MIS18A: variants seen among roughly 807,000 people sequenced by gnomAD.
The protein encoded by MIS18A is MIS18 kinetochore protein A, also known as protein Mis18-alpha.
A neutral mutation model predicts 25.0 loss-of-function variants in MIS18A; 14 were observed. The ratio of observed to expected loss-of-function variants is 0.56; its 90% CI spans 0.37 to 0.88. MIS18A has a LOEUF of 0.88. MIS18A is among the 40% of genes least tolerant of loss of function. MIS18A has a pLI of 0.00. For synonymous variants in MIS18A, 134 were observed against 118.6 expected (o/e 1.13, Z -0.84); for missense variants, 292 against 290.8 (o/e 1.00, Z -0.03).
chr21:32,196,592 C>T, the MIS18A span, among the ~76,000 whole-genome samples: 1 of 151,782 alleles, frequency 6.6e-6, no homozygotes, highest in Non-Finnish European at 1.5e-5. Flanking sequence ...GTAGTTGGGA[C>T]TACAGGTGCA....
In MIS18A at chr21:32,269,085, C is replaced by T. The variant is rs2031664749; in HGVS notation, c.654G>A (p.Lys218=). The change falls in exon 5 of 5, where the codon AAG becomes AAA. Residue 218 remains lysine, a synonymous_variant. Coordinates refer to ENST00000290130, the MANE Select transcript of MIS18A (RefSeq NM_018944.3). The part of the protein sequence containing the change: ...MEDVLKALQM[K]LWEAESKLSF... ...ACAATTTGGATTCGGCCTCCCACAG[C>T]TTCATTTGTAATGCTTTCAAGACAT... is the stretch of plus-strand genomic sequence containing the variant. The T allele has an allele frequency of 1.9e-6, 3 of 1,605,816 alleles. No homozygotes were observed. The highest frequency in any genetic ancestry group is 4.5e-5 in the East Asian group (2 of 44,818).
At chr21:32,187,993 C>T in the MIS18A span, among the ~76,000 whole-genome samples, 3 of 134,446 alleles carry the variant, frequency 2.2e-5, no homozygotes, top group East Asian at 2.1e-4. Context: ...GACCAAAGAG[C>T]TCCCTTTCTG....
At chr21:32,189,344 G>T in the MIS18A span, among the ~76,000 whole-genome samples, 23,054 of 152,174 alleles carry the variant, frequency 0.15, 1,857 homozygotes, top group East Asian at 0.24. Context: ...AGTGGCATGA[G>T]CATGGCTCAC....
At chr21:32,193,199 G>A in the MIS18A span, among the ~76,000 whole-genome samples, 6 of 152,262 alleles carry the variant, frequency 3.9e-5, no homozygotes, top group Non-Finnish European at 5.9e-5. Context: ...GGCATGAGGA[G>A]GCCAGGCCTG....
the MIS18A span, among the ~76,000 whole-genome samples, chr21:32,175,442 AC>A: frequency 1.3e-5 from 2 of 152,186 alleles, no homozygotes; most frequent in African/African-American, 4.8e-5. Context: ...GCTTACTGTA[AC>A]TTTTTTACTT....
intron 1 of MIS18A, among the ~76,000 whole-genome samples, chr21:32,277,618 A>T (rs1167555343): frequency 6.6e-6 from 1 of 152,010 alleles, no homozygotes; most frequent in Non-Finnish European, 1.5e-5. Flanking sequence ...ATGCCCGGCT[A>T]ATTTTTTATT....
chr21:32,214,182 T>C, the MIS18A span, among the ~76,000 whole-genome samples: 2 of 152,056 alleles, frequency 1.3e-5, no homozygotes, highest in African/African-American at 2.4e-5. Context: ...CCACCTCTCT[T>C]CTCTGAGGAA....
chr21:32,270,186 A>T (rs2031685975), intron 3 of MIS18A, among the ~76,000 whole-genome samples: 1 of 152,084 alleles, frequency 6.6e-6, no homozygotes, highest in Non-Finnish European at 1.5e-5. Flanking sequence ...TTATTCCAAA[A>T]ATTTTCTCAC....
At chr21:32,166,750 G>A in the MIS18A span, among the ~76,000 whole-genome samples, 2 of 152,150 alleles carry the variant, frequency 1.3e-5, no homozygotes, top group Non-Finnish European at 2.9e-5. Flanking sequence ...AAATAATTAT[G>A]TAGATACTCC....
At chr21:32,274,940 TATAAC>T (rs2031783233) in intron 1 of MIS18A, 44 bp from the exon 2 acceptor site, 3 of 1,490,386 alleles carry the variant, frequency 2.0e-6, no homozygotes, top group Non-Finnish European at 2.8e-6. Flanking sequence ...TGTAGTTCGT[TATAAC>T]ATACCTGCAG....
At chr21:32,192,346 C>T in the MIS18A span, among the ~76,000 whole-genome samples, 19 of 152,194 alleles carry the variant, frequency 1.2e-4, no homozygotes, top group African/African-American at 2.2e-4. Flanking sequence ...GGTCTCCTCG[C>T]GTGGCTGCGT....
At chr21:32,200,951 C>T in the MIS18A span, among the ~76,000 whole-genome samples, 1 of 152,094 alleles carries the variant, frequency 6.6e-6, no homozygotes, top group Non-Finnish European at 1.5e-5. Context: ...GCCTCTCAGT[C>T]CCTTTTGCCT....
At chr21:32,174,113 C>T in the MIS18A span, among the ~76,000 whole-genome samples, 10 of 151,594 alleles carry the variant, frequency 6.6e-5, no homozygotes, top group Admixed American at 6.6e-4. Context: ...TACAGGTGCC[C>T]GCCACCATGC....
chr21:32,167,322 C>A, the MIS18A span, among the ~76,000 whole-genome samples: 1 of 152,058 alleles, frequency 6.6e-6, no homozygotes, highest in Non-Finnish European at 1.5e-5. Flanking sequence ...AATAGACTTA[C>A]AGGTTCCCAT....
intron 4 of MIS18A, 32 bp from the exon 5 acceptor site, chr21:32,269,149 AAC>A (rs751343725): frequency 1.5e-5 from 22 of 1,432,494 alleles, no homozygotes; most frequent in African/African-American, 4.3e-5. Context: ...AAAATAAAGA[AAC>A]ACACATATAA....
the MIS18A span, among the ~76,000 whole-genome samples, chr21:32,190,779 T>C: frequency 3.3e-5 from 5 of 152,196 alleles, no homozygotes; most frequent in African/African-American, 1.2e-4. Context: ...GCTATGAGAA[T>C]AGTTTTCAGT....
At chr21:32,213,016 C>T in the MIS18A span, among the ~76,000 whole-genome samples, 48 of 152,278 alleles carry the variant, frequency 3.2e-4, no homozygotes, top group Middle Eastern at 3.4e-3. Flanking sequence ...GTAGAAAAGA[C>T]CAGATCAGAT....
At chr21:32,276,622 G>A (rs1032664779) in intron 1 of MIS18A, among the ~76,000 whole-genome samples, 3 of 151,868 alleles carry the variant, frequency 2.0e-5, no homozygotes, top group African/African-American at 7.3e-5. Flanking sequence ...ACTGGAGTTG[G>A]GAAAACAATT....
At chr21:32,251,323 A>G in the MIS18A span, among the ~76,000 whole-genome samples, 1 of 151,674 alleles carries the variant, frequency 6.6e-6, no homozygotes, top group Non-Finnish European at 1.5e-5. Flanking sequence ...AAATGTACCA[A>G]TTCAATACCC....
Sources: allele counts gnomAD v4.1 joint callset (sites outside exome capture counted in the v4.1 genomes callset), GRCh38; gene constraint gnomAD v4.1.1; transcripts MANE v1.5; gene names NCBI Gene and HGNC (gene_info 2026-07-23, HGNC 2026-07-21).